Variants in ATRNL1 observed in about 807,000 individuals in gnomAD.
ATRNL1 encodes attractin-like protein 1.
ATRNL1 carries 95 observed loss-of-function variants against 182.7 expected under a neutral mutation model. The ratio of observed to expected loss-of-function variants is 0.52; its 90% CI spans 0.44 to 0.62. The LOEUF is 0.62. Among genes scored for constraint, ATRNL1 ranks in the 20% least tolerant of loss-of-function variants. The pLI is 0.00. For synonymous variants in ATRNL1, 576 were observed against 568.3 expected, an observed-to-expected ratio of 1.01 and a Z score of -0.19; for missense variants, 1,471 against 1,679.5, an observed-to-expected ratio of 0.88 and a Z score of 2.17.
At chr10:115,364,765 C>T (rs564775719) in intron 19 of ATRNL1, among the ~76,000 whole-genome samples, 1 of 151,840 alleles carries the variant, frequency 6.6e-6, no homozygotes, top group Non-Finnish European at 1.5e-5. Flanking sequence ...TTTTCTGCAT[C>T]TATTGAGATA....
chr10:115,132,488 T>C (rs1239626668), intron 5 of ATRNL1, among the ~76,000 whole-genome samples: 1 of 152,210 alleles, frequency 6.6e-6, no homozygotes, highest in Non-Finnish European at 1.5e-5. Context: ...TAGTTCTAGA[T>C]CCTTGAGGAA....
intron 28 of ATRNL1, among the ~76,000 whole-genome samples, chr10:115,922,514 A>G (rs1555118931): frequency 6.6e-6 from 1 of 152,132 alleles, no homozygotes; most frequent in East Asian, 1.9e-4. Context: ...CACCCAGGAT[A>G]GAGTGCAGTG....
At chr10:115,462,870 G>A (rs1210945577) in intron 22 of ATRNL1, among the ~76,000 whole-genome samples, 2 of 151,912 alleles carry the variant, frequency 1.3e-5, no homozygotes, top group Non-Finnish European at 2.9e-5. Context: ...AGACTCTTAG[G>A]TTGTGTCGAA....
At chr10:115,650,521 G>A (rs11197376) in intron 26 of ATRNL1, among the ~76,000 whole-genome samples, 26,329 of 151,936 alleles carry the variant, frequency 0.17, 2,887 homozygotes, top group East Asian at 0.26. Context: ...AAATGGTAAA[G>A]CAAAACAAAT....
intron 25 of ATRNL1, among the ~76,000 whole-genome samples, chr10:115,542,087 A>G (rs1229160032): frequency 1.3e-5 from 2 of 152,174 alleles, no homozygotes; most frequent in Non-Finnish European, 2.9e-5. Flanking sequence ...TGGAAGAATA[A>G]GGTATTATCC....
chr10:115,312,649 C>T (rs1334337724), intron 17 of ATRNL1, among the ~76,000 whole-genome samples: 2 of 152,112 alleles, frequency 1.3e-5, no homozygotes, highest in African/African-American at 2.4e-5. Flanking sequence ...TGGGTGTCTA[C>T]ATTTCTAGCA....
chr10:115,837,746 A>T (rs1950712761), intron 27 of ATRNL1, among the ~76,000 whole-genome samples: 1 of 152,152 alleles, frequency 6.6e-6, no homozygotes, highest in Non-Finnish European at 1.5e-5. Flanking sequence ...TACTCGTGCC[A>T]TACTTTCGGA....
chr10:115,379,716 G>A (rs1554950545), intron 19 of ATRNL1, among the ~76,000 whole-genome samples: 1 of 152,088 alleles, frequency 6.6e-6, no homozygotes, highest in East Asian at 1.9e-4. Flanking sequence ...GCAGCTCTCT[G>A]CCTTGTGTTT....
chr10:115,835,865 T>C (rs1312032906), intron 27 of ATRNL1, among the ~76,000 whole-genome samples: 1 of 152,102 alleles, frequency 6.6e-6, no homozygotes, highest in Non-Finnish European at 1.5e-5. Flanking sequence ...TAGCCTCTTG[T>C]CTCAATGTGA....
At chr10:115,510,599 G>A (rs1850338441) in intron 24 of ATRNL1, among the ~76,000 whole-genome samples, 2 of 151,972 alleles carry the variant, frequency 1.3e-5, no homozygotes, top group Non-Finnish European at 2.9e-5. Flanking sequence ...ACAGCATTGT[G>A]TAAATGTTAC....
chr10:115,415,595 C>G (rs542065275), intron 20 of ATRNL1, among the ~76,000 whole-genome samples: 1 of 151,398 alleles, frequency 6.6e-6, no homozygotes, highest in South Asian at 2.1e-4. Context: ...GGTTAGGAAG[C>G]CTTTTATTTT....
intron 27 of ATRNL1, among the ~76,000 whole-genome samples, chr10:115,745,205 C>A (rs1359910590): frequency 6.6e-6 from 1 of 151,906 alleles, no homozygotes; most frequent in African/African-American, 2.4e-5. Flanking sequence ...CTCACTGCAA[C>A]CTCCGCCTCC....
At chr10:115,448,080 T>C (rs1212037829) in intron 21 of ATRNL1, among the ~76,000 whole-genome samples, 1 of 152,160 alleles carries the variant, frequency 6.6e-6, no homozygotes, top group African/African-American at 2.4e-5. Flanking sequence ...TTTTGTAGTT[T>C]GTCTTTTTCA....
intron 26 of ATRNL1, among the ~76,000 whole-genome samples, chr10:115,707,230 A>G (rs1236103189): frequency 1.3e-5 from 2 of 151,846 alleles, no homozygotes; most frequent in African/African-American, 4.8e-5. Flanking sequence ...GTATCAGTCT[A>G]AACAATTCAG....
chr10:115,188,715 T>C (rs1350903057), intron 8 of ATRNL1, among the ~76,000 whole-genome samples: 2 of 130,318 alleles, frequency 1.5e-5, no homozygotes, highest in African/African-American at 3.5e-5. Context: ...ACTATGAGTT[T>C]CTCCTCTGCT....
chr10:115,253,203 G>A (rs78059905), intron 10 of ATRNL1, among the ~76,000 whole-genome samples: 2,214 of 152,316 alleles, frequency 0.015, 50 homozygotes, highest in African/African-American at 0.049. Flanking sequence ...GACAAAGGGA[G>A]AAGTTGAGTT....
At chr10:115,824,937 T>G (rs1950393539) in intron 27 of ATRNL1, among the ~76,000 whole-genome samples, 1 of 152,130 alleles carries the variant, frequency 6.6e-6, no homozygotes, top group Non-Finnish European at 1.5e-5. Context: ...AGATACATGC[T>G]CACATATGTT....
intron 26 of ATRNL1, among the ~76,000 whole-genome samples, chr10:115,584,396 G>T (rs1855360802): frequency 1.5e-5 from 2 of 137,006 alleles, no homozygotes; most frequent in South Asian, 5.5e-4. Context: ...TTTTTGGTTG[G>T]TAAGCTATTG....
intron 27 of ATRNL1, among the ~76,000 whole-genome samples, chr10:115,832,395 T>C (rs1462850690): frequency 6.6e-6 from 1 of 152,224 alleles, no homozygotes; most frequent in Non-Finnish European, 1.5e-5. Context: ...CAGAGCATAA[T>C]GCTAAGGGAA....
Sources: gnomAD v4.1 joint callset for allele counts (sites outside exome capture counted in the v4.1 genomes callset) on GRCh38, gnomAD v4.1.1 for gene constraint, MANE v1.5 for transcripts, NCBI Gene and HGNC (gene_info 2026-07-23, HGNC 2026-07-21) for gene names.